FRMD5: variants seen among roughly 807,000 people sequenced by gnomAD.
FRMD5 encodes the protein FERM domain containing 5, also known as FERM domain-containing protein 5.
FRMD5 carries 20 observed loss-of-function variants against 69.0 expected under a neutral mutation model. The ratio of observed to expected loss-of-function variants is 0.29; its 90% CI spans 0.20 to 0.42. The LOEUF (loss-of-function observed/expected upper bound fraction) is 0.42, where lower values mean the gene tolerates loss of function less well. Ranked by LOEUF, FRMD5 falls within the 10% of genes least tolerant of loss-of-function variation. FRMD5 has a pLI of 1.00. For synonymous variants in FRMD5, 271 were observed against 260.1 expected (o/e 1.04, Z -0.40); for missense variants, 595 against 708.6 (o/e 0.84, Z 1.82).
intron 1 of FRMD5, among the ~76,000 whole-genome samples, chr15:44,011,285 G>T (rs1284714126): frequency 6.6e-6 from 1 of 151,950 alleles, no homozygotes; most frequent in Non-Finnish European, 1.5e-5. Context: ...GCTCTCTGGA[G>T]AAATTAATAC....
chr15:44,000,515 A>C (rs1323380464), intron 1 of FRMD5, among the ~76,000 whole-genome samples: 1 of 149,466 alleles, frequency 6.7e-6, no homozygotes, highest in East Asian at 2.0e-4. Context: ...GCTGGAGTGC[A>C]GTGTCACAAT....
chr15:44,197,123 C>G (rs947403781), upstream of FRMD5, among the ~76,000 whole-genome samples: 2 of 151,882 alleles, frequency 1.3e-5, no homozygotes, highest in African/African-American at 4.8e-5. Flanking sequence ...ATCGCTGGAA[C>G]CCGGGAGGTA....
chr15:44,035,130 C>A (rs1035195785), intron 1 of FRMD5, among the ~76,000 whole-genome samples: 4 of 152,068 alleles, frequency 2.6e-5, no homozygotes, highest in African/African-American at 9.7e-5. Flanking sequence ...CAGTCCAAAC[C>A]CCAAAGAGCC....
chr15:43,955,458 G>A (rs1041669361), intron 1 of FRMD5, among the ~76,000 whole-genome samples: 2 of 152,196 alleles, frequency 1.3e-5, no homozygotes, highest in East Asian at 3.8e-4. Flanking sequence ...ATAAAAGAAA[G>A]CCAATGAAGG....
In FRMD5 at chr15:43,905,685, T is replaced by C. The variant is rs544888422; in HGVS notation, c.551+143A>G. The C allele has an allele frequency of 4.0e-6, 4 of 1,003,500 alleles. No individual in the cohort carries two copies. The African/African-American group carries it at 4.9e-5, about 12-fold the overall frequency. 62.2% of individuals were successfully genotyped at this position (1,003,500 alleles called of 1,614,324 possible). ...TGTGCTGTCAGTGTATCACTGACAA[T>C]GGTACATCCGCGGTCAGGAAGGCTG... is the stretch of plus-strand genomic sequence containing the variant. On this transcript the variant is annotated intron_variant, in intron 6 of 13. Coordinates refer to ENST00000417257, the MANE Select transcript of FRMD5 (RefSeq NM_032892.5).
At chr15:44,123,518 C>A (rs2076984602) in intron 1 of FRMD5, among the ~76,000 whole-genome samples, 3 of 152,044 alleles carry the variant, frequency 2.0e-5, no homozygotes, top group African/African-American at 7.2e-5. Context: ...ACTATTAGTA[C>A]AGAAAATTTA....
intron 1 of FRMD5, among the ~76,000 whole-genome samples, chr15:44,020,867 C>CA (rs1389911423): frequency 6.6e-6 from 1 of 152,140 alleles, no homozygotes; most frequent in Non-Finnish European, 1.5e-5. Context: ...TCACTGAACT[C>CA]AGAGTTGGCG....
chr15:44,057,115 C>A (rs1160544505), intron 1 of FRMD5, among the ~76,000 whole-genome samples: 1 of 148,786 alleles, frequency 6.7e-6, no homozygotes, highest in East Asian at 2.0e-4. Flanking sequence ...CCCTCTCCCT[C>A]TTTGCTCTTA....
chr15:44,181,543 C>G (rs2078001185), intron 1 of FRMD5, among the ~76,000 whole-genome samples: 7 of 152,102 alleles, frequency 4.6e-5, no homozygotes, highest in African/African-American at 1.4e-4. Flanking sequence ...TTATAGTATA[C>G]AATTAAATGG....
chr15:44,053,780 AT>A (rs546064386), intron 1 of FRMD5, among the ~76,000 whole-genome samples: 104 of 152,332 alleles, frequency 6.8e-4, no homozygotes, highest in Non-Finnish European at 1.4e-3. Flanking sequence ...ATAATTAGAT[AT>A]AAAAAAACTG....
At chr15:44,056,664 GC>G (rs1892881456) in intron 1 of FRMD5, among the ~76,000 whole-genome samples, 1 of 152,108 alleles carries the variant, frequency 6.6e-6, no homozygotes, top group African/African-American at 2.4e-5. Flanking sequence ...GTCAATTTAA[GC>G]AATTCCTTCA....
rs889968564 is a variant in FRMD5, at chr15:43,880,836, T to C, written c.1135+2867A>G. 4.6e-5 allele frequency among the ~76,000 whole-genome samples: 7 copies of C among 152,342 alleles called. No homozygotes were observed. The East Asian group carries it at 1.4e-3, about 29-fold the overall frequency. On this transcript the variant is annotated intron_variant, in intron 13 of 13. Transcript: ENST00000417257. ...ACTCCTCAGCAGCCTCTCCCCACTG[T>C]ACGTCTCTTTGCATTTGGCAGCAAG...
chr15:43,955,520 T>A (rs1334493896), intron 1 of FRMD5, among the ~76,000 whole-genome samples: 1 of 152,218 alleles, frequency 6.6e-6, no homozygotes. Flanking sequence ...AGTGAATAAC[T>A]GAAAGTGTGA....
intron 8 of FRMD5, among the ~76,000 whole-genome samples, chr15:43,890,034 G>A (rs2088757869): frequency 6.6e-6 from 1 of 152,104 alleles, no homozygotes; most frequent in African/African-American, 2.4e-5. Flanking sequence ...ATCATGGCTG[G>A]GTCAGGATGA....
intron 1 of FRMD5, among the ~76,000 whole-genome samples, chr15:44,135,023 G>C (rs2077161034): frequency 6.6e-6 from 1 of 152,176 alleles, no homozygotes; most frequent in African/African-American, 2.4e-5. Context: ...CTGTAGAAAA[G>C]AGACTATTGA....
At chr15:44,094,410 T>C (rs1207374558) in intron 1 of FRMD5, among the ~76,000 whole-genome samples, 1 of 152,054 alleles carries the variant, frequency 6.6e-6, no homozygotes, top group African/African-American at 2.4e-5. Context: ...AATAAACCCC[T>C]CTTTCTGCTA....
At chr15:44,183,330 C>G (rs1013164544) in intron 1 of FRMD5, among the ~76,000 whole-genome samples, 12 of 152,088 alleles carry the variant, frequency 7.9e-5, no homozygotes, top group African/African-American at 2.9e-4. Flanking sequence ...ATGGGAAAAC[C>G]ATGTAGGATT....
intron 1 of FRMD5, among the ~76,000 whole-genome samples, chr15:44,084,913 G>A (rs558047524): frequency 1.3e-5 from 2 of 152,028 alleles, no homozygotes; most frequent in African/African-American, 2.4e-5. Context: ...CCAAAAGATC[G>A]TGACTTTGAT....
At chr15:44,076,933 C>A (rs1566934495) in intron 1 of FRMD5, among the ~76,000 whole-genome samples, 1 of 151,964 alleles carries the variant, frequency 6.6e-6, no homozygotes. Flanking sequence ...AATCTCAATT[C>A]AACCATCACA....
Sources: allele counts gnomAD v4.1 joint callset (sites outside exome capture counted in the v4.1 genomes callset), GRCh38; gene constraint gnomAD v4.1.1; transcripts MANE v1.5; gene names NCBI Gene and HGNC (gene_info 2026-07-23, HGNC 2026-07-21).